KIAA0319: variants seen among roughly 807,000 people sequenced by gnomAD.
KIAA0319 encodes the protein dyslexia-associated protein KIAA0319.
Under a neutral mutation model 108.4 loss-of-function variants are expected in KIAA0319, and 83 were observed. The ratio of observed to expected loss-of-function variants is 0.77; its 90% CI spans 0.64 to 0.92. The LOEUF (loss-of-function observed/expected upper bound fraction) is 0.92. Among genes scored for constraint, KIAA0319 ranks in the 40% least tolerant of loss-of-function variants. The probability of loss-of-function intolerance (pLI) is 0.00; values close to 1 mark genes in which losing one functional copy is unlikely to be tolerated. For synonymous variants in KIAA0319, 484 were observed against 510.4 expected (o/e 0.95, Z 0.70); for missense variants, 1,195 against 1,322.4 (o/e 0.90, Z 1.49).
intron 1 of KIAA0319, among the ~76,000 whole-genome samples, chr6:24,609,082 A>G (rs1771899191): frequency 6.6e-6 from 1 of 151,212 alleles, no homozygotes; most frequent in Admixed American, 6.6e-5. Context: ...AGCTTGGGCA[A>G]TATTTCAAAA....
chr6:24,560,639 T>G (rs1762984745), intron 16 of KIAA0319, among the ~76,000 whole-genome samples: 1 of 152,212 alleles, frequency 6.6e-6, no homozygotes, highest in African/African-American at 2.4e-5. Context: ...TTCTGTTAGC[T>G]CTGGTGCTGC....
chr6:24,561,861 C>A (rs1168507303), intron 16 of KIAA0319, among the ~76,000 whole-genome samples: 1 of 152,194 alleles, frequency 6.6e-6, no homozygotes, highest in African/African-American at 2.4e-5. Flanking sequence ...TGCCACCACA[C>A]CCAGCTAATT....
In KIAA0319 at chr6:24,615,212, TAA is replaced by T. The variant is rs531957008; in HGVS notation, c.-105-14006_-105-14005del. On this transcript the variant is annotated intron_variant, in intron 1 of 20. Coordinates refer to ENST00000378214, the MANE Select transcript of KIAA0319 (RefSeq NM_014809.4). ...TACATTATAGCATTATGAATAATAA[TAA>T]AAGACTGGAAACAACCTAACGTCAA... Among the ~76,000 whole-genome samples the T allele has an allele frequency of 2.2e-3, 334 of 152,298 alleles. 3 individuals carry two copies. The highest frequency in any genetic ancestry group is 7.7e-3 in the African/African-American group (322 of 41,566).
chr6:24,608,999 C>T (rs554376835), intron 1 of KIAA0319, among the ~76,000 whole-genome samples: 66 of 142,640 alleles, frequency 4.6e-4, no homozygotes, highest in Non-Finnish European at 7.7e-4. Flanking sequence ...CAGGGGCTCA[C>T]GCCTGTGAGC....
intron 8 of KIAA0319, among the ~76,000 whole-genome samples, chr6:24,579,082 C>A (rs1765964990): frequency 6.6e-6 from 1 of 152,138 alleles, no homozygotes. Flanking sequence ...TTCCAACAAC[C>A]AAGGCAACCG....
chr6:24,630,681 G>GTATA lies in KIAA0319; in HGVS notation c.-106+15054_-106+15055insTATA, dbSNP rs781623420. On this transcript the variant is annotated intron_variant, in intron 1 of 20. Coordinates refer to ENST00000378214, the MANE Select transcript of KIAA0319 (RefSeq NM_014809.4). ...TCCATTTATTCAATTGTGTGTATAT[G>GTATA]TGTATATATATATATATATATACAC... Among the ~76,000 whole-genome samples, 378 of 51,990 alleles carry GTATA rather than the reference G, an allele frequency of 7.3e-3. 5 individuals are homozygous for GTATA. The highest frequency in any genetic ancestry group is 0.039 in the East Asian group (155 of 3,938). 34.1% of individuals were successfully genotyped at this position (51,990 alleles called of 152,430 possible).
At chr6:24,547,585 G>A (rs367893693) in intron 20 of KIAA0319, among the ~76,000 whole-genome samples, 146 of 152,256 alleles carry the variant, frequency 9.6e-4, no homozygotes, top group Middle Eastern at 3.4e-3. Flanking sequence ...GCAAGATACC[G>A]AACCTCTCTG....
At chr6:24,602,699 G>A (rs1183947441) in intron 1 of KIAA0319, among the ~76,000 whole-genome samples, 1 of 152,176 alleles carries the variant, frequency 6.6e-6, no homozygotes, top group East Asian at 1.9e-4. Context: ...TACTCGGGAG[G>A]CTGAGGCAGG....
chr6:24,590,205 C>T (rs886852790), intron 3 of KIAA0319, among the ~76,000 whole-genome samples: 1 of 150,940 alleles, frequency 6.6e-6, no homozygotes, highest in Non-Finnish European at 1.5e-5. Flanking sequence ...TGATCCCTTA[C>T]ATCACTACAA....
chr6:24,625,242 A>C (rs950148508), intron 1 of KIAA0319, among the ~76,000 whole-genome samples: 5 of 152,220 alleles, frequency 3.3e-5, no homozygotes, highest in African/African-American at 1.2e-4. Flanking sequence ...ATACAGTATA[A>C]ATTTACATGA....
At chr6:24,600,669 C>T (rs1397803210) in intron 2 of KIAA0319, 6 of 1,535,180 alleles carry the variant, frequency 3.9e-6, no homozygotes, top group Non-Finnish European at 5.2e-6. Flanking sequence ...ATGATGCTCA[C>T]CAGTGATTTT....
intron 6 of KIAA0319, among the ~76,000 whole-genome samples, chr6:24,581,883 C>T (rs1766604323): frequency 6.6e-6 from 1 of 152,198 alleles, no homozygotes. Flanking sequence ...GTGGCTCATG[C>T]CTGTAATCCC....
chr6:24,540,427 A>G (rs2817238), downstream of KIAA0319, among the ~76,000 whole-genome samples: 91,915 of 151,866 alleles, frequency 0.61, 28,413 homozygotes, highest in Middle Eastern at 0.67. Context: ...CATCACTGAC[A>G]GAAATTTCAC....
chr6:24,558,669 C>A (rs1270551228), intron 17 of KIAA0319, among the ~76,000 whole-genome samples: 1 of 152,218 alleles, frequency 6.6e-6, no homozygotes, highest in Non-Finnish European at 1.5e-5. Flanking sequence ...ATTATCATCA[C>A]AACCTAAGGC....
rs549489598 is a variant in KIAA0319, at chr6:24,614,555, A to G, written c.-105-13347T>C. Among the ~76,000 whole-genome samples, 56 of 150,770 alleles carry G rather than the reference A, an allele frequency of 3.7e-4. 1 individual carries two copies. In the South Asian group the frequency reaches 8.0e-3, roughly 21 times the overall value. On this transcript the variant is annotated intron_variant, in intron 1 of 20. Coordinates refer to ENST00000378214, the MANE Select transcript of KIAA0319 (RefSeq NM_014809.4). ...CGTCCATTAGTTTTAATCCTTCGGG[A>G]AAAAAAAACAATTAAATATTACTGT...
At chr6:24,609,008 G>A (rs1268797289) in intron 1 of KIAA0319, among the ~76,000 whole-genome samples, 1 of 147,402 alleles carries the variant, frequency 6.8e-6, no homozygotes, top group Non-Finnish European at 1.5e-5. Flanking sequence ...ACGCCTGTGA[G>A]CCAACCGCTC....
intron 1 of KIAA0319, among the ~76,000 whole-genome samples, chr6:24,625,288 A>G (rs1250426300): frequency 6.6e-6 from 1 of 152,224 alleles, no homozygotes; most frequent in Non-Finnish European, 1.5e-5. Flanking sequence ...AAGCTTTAAA[A>G]CTATTAAAAG....
chr6:24,644,941 T>TA (rs994158144), intron 1 of KIAA0319, among the ~76,000 whole-genome samples: 43 of 152,140 alleles, frequency 2.8e-4, no homozygotes, highest in Admixed American at 1.7e-3. Context: ...AAAATAATAC[T>TA]AAAAAAAGCA....
At chr6:24,552,960 A>T (rs1186584865) in intron 19 of KIAA0319, among the ~76,000 whole-genome samples, 1 of 152,092 alleles carries the variant, frequency 6.6e-6, no homozygotes, top group East Asian at 1.9e-4. Context: ...AATGTTTCAC[A>T]TGAAAGAGTG....
Sources: allele counts gnomAD v4.1 joint callset (sites outside exome capture counted in the v4.1 genomes callset), GRCh38; gene constraint gnomAD v4.1.1; transcripts MANE v1.5; gene names NCBI Gene and HGNC (gene_info 2026-07-23, HGNC 2026-07-21).